Variants in DAPP1 observed in about 807,000 individuals in gnomAD.
DAPP1 encodes the protein dual adapter for phosphotyrosine and 3-phosphotyrosine and 3-phosphoinositide.
In DAPP1, 20 loss-of-function variants were observed where a neutral mutation model predicts 41.5. The ratio of observed to expected loss-of-function variants is 0.48; its 90% CI spans 0.34 to 0.70. DAPP1 has a LOEUF of 0.70. DAPP1 is among the 30% of genes least tolerant of loss of function. The pLI is 0.01. For missense variants in DAPP1, 233 were observed against 333.4 expected, an observed-to-expected ratio of 0.70 and a Z score of 2.35; for synonymous variants, 113 against 116.2, an observed-to-expected ratio of 0.97 and a Z score of 0.18.
At chr4:99,818,954 T>C (rs1051836745) in intron 1 of DAPP1, among the ~76,000 whole-genome samples, 1 of 152,220 alleles carries the variant, frequency 6.6e-6, no homozygotes, top group Non-Finnish European at 1.5e-5. Context: ...CCTAGGTTGA[T>C]GATCACTGCA....
At chr4:99,871,011 G>A (rs1033122794), downstream of DAPP1, among the ~76,000 whole-genome samples, 6 of 152,054 alleles carry the variant, frequency 3.9e-5, no homozygotes, top group Admixed American at 3.9e-4. Flanking sequence ...ACTGTTTCTG[G>A]GGGAAACCTT....
At chr4:99,853,906 A>G (rs1445686445) in intron 4 of DAPP1, among the ~76,000 whole-genome samples, 3 of 152,256 alleles carry the variant, frequency 2.0e-5, no homozygotes, top group African/African-American at 7.2e-5. Flanking sequence ...AGTTAACCAA[A>G]CAACTTCAAA....
chr4:99,825,757 G>A (rs757287291), intron 1 of DAPP1, among the ~76,000 whole-genome samples: 7 of 152,064 alleles, frequency 4.6e-5, no homozygotes, highest in Non-Finnish European at 8.8e-5. Context: ...ATAAGGCTTC[G>A]GCTTGATTCC....
intron 3 of DAPP1, among the ~76,000 whole-genome samples, chr4:99,843,632 C>CA (rs1723569656): frequency 6.6e-6 from 1 of 152,218 alleles, no homozygotes; most frequent in African/African-American, 2.4e-5. Context: ...TTCCAATTCT[C>CA]AAAACCTAAT....
chr4:99,834,457 T>C (rs1384202907), intron 1 of DAPP1, among the ~76,000 whole-genome samples: 1 of 152,194 alleles, frequency 6.6e-6, no homozygotes, highest in Non-Finnish European at 1.5e-5. Context: ...TTGAATCTCC[T>C]TGAGCATTCC....
chr4:99,852,832 C>G (rs1723910178), intron 3 of DAPP1, among the ~76,000 whole-genome samples: 1 of 152,148 alleles, frequency 6.6e-6, no homozygotes, highest in African/African-American at 2.4e-5. Flanking sequence ...CCAGTTACTA[C>G]TTAAGATCTA....
chr4:99,867,654 T>C (rs1197146468), intron 8 of DAPP1, among the ~76,000 whole-genome samples: 2 of 152,234 alleles, frequency 1.3e-5, no homozygotes, highest in East Asian at 3.8e-4. Context: ...CTAAGAGAAA[T>C]GAGTGCATGT....
intron 1 of DAPP1, among the ~76,000 whole-genome samples, chr4:99,821,925 G>A (rs376529373): frequency 2.0e-5 from 3 of 152,122 alleles, no homozygotes; most frequent in African/African-American, 7.2e-5. Flanking sequence ...TCATTTTCAG[G>A]ACTAGAAAAA....
intron 2 of DAPP1, among the ~76,000 whole-genome samples, chr4:99,836,590 T>TATATGG (rs1194802694): frequency 6.6e-6 from 1 of 152,078 alleles, no homozygotes; most frequent in Non-Finnish European, 1.5e-5. Context: ...CCCTGGAGAG[T>TATATGG]CACTCTTCCC....
At chr4:99,841,122 T>C (rs1216406604) in intron 3 of DAPP1, among the ~76,000 whole-genome samples, 1 of 152,196 alleles carries the variant, frequency 6.6e-6, no homozygotes, top group African/African-American at 2.4e-5. Flanking sequence ...TAAATAATGA[T>C]AAATCTTAGT....
intron 1 of DAPP1, among the ~76,000 whole-genome samples, chr4:99,831,911 A>G (rs1220277555): frequency 2.6e-5 from 4 of 151,896 alleles, no homozygotes; most frequent in African/African-American, 7.3e-5. Context: ...TCTTCTTTAC[A>G]TGTATATATT....
At chr4:99,817,773 G>A (rs1011197170) in intron 1 of DAPP1, among the ~76,000 whole-genome samples, 1 of 152,234 alleles carries the variant, frequency 6.6e-6, no homozygotes, top group South Asian at 2.1e-4. Flanking sequence ...AATGCACTGG[G>A]AATATCCCAA....
rs1387030622 is a variant in DAPP1 at position 99,835,716 on chromosome 4, G to A, written c.195G>A (p.Glu65=). Residue 65 remains glutamate, a synonymous_variant, in exon 2 of 9, where the codon GAG becomes GAA. Transcript: ENST00000512369. ...GCTACCTTCTGAGGGACAGCAATGA[G>A]ACCACCGGGCTGTACTCTCTCTCTG... ...DGSYLLRDSN[E]TTGLYSLSVR... 6.2e-7 allele frequency: 1 copy of A among 1,613,820 alleles called. No homozygotes were observed. Among genetic ancestry groups the A allele is most frequent in the African/African-American group, 1.3e-5 (1 of 75,002 alleles).
chr4:99,853,300 A>C lies in DAPP1; in HGVS notation c.441A>C (p.Ala147=). 1.2e-6 allele frequency: 2 copies of C among 1,613,020 alleles called. No individual in the cohort carries two copies. Among genetic ancestry groups the C allele is most frequent in the Non-Finnish European group, 1.7e-6 (2 of 1,179,446 alleles). ...ATGAATCTGTCCGGGTTCACACAGC[A>C]ATGCAGACAGGAAGAACAGAAGATG... is the stretch of plus-strand genomic sequence containing the variant. ...SIYESVRVHT[A]MQTGRTEDDL... Residue 147 remains alanine, a synonymous_variant, in exon 4 of 9, where the codon GCA becomes GCC. Coordinates refer to ENST00000512369, the MANE Select transcript of DAPP1 (RefSeq NM_014395.3).
Position 99,868,429 on chromosome 4 carries a change from C to G in DAPP1, c.*244C>G. 3.8e-6 allele frequency: 2 copies of G among 525,008 alleles called. No individual in the cohort carries two copies. Among genetic ancestry groups the G allele is most frequent in the Admixed American group, 3.2e-5 (1 of 31,022 alleles). 32.5% of individuals were successfully genotyped at this position (525,008 alleles called of 1,614,324 possible). A position where few individuals can be genotyped will look rare whatever the true frequency, so the allele number is the denominator to read the frequency against. ...ATTCTGATAGAAAGTGCTTAAACCA[C>G]CACTCTTAGGTCTGCTCACTCTTAG... On this transcript the variant is annotated 3_prime_UTR_variant, in exon 9 of 9. Transcript: ENST00000512369.
intron 1 of DAPP1, among the ~76,000 whole-genome samples, chr4:99,832,023 A>G (rs1443795370): frequency 6.6e-6 from 1 of 150,840 alleles, no homozygotes; most frequent in Non-Finnish European, 1.5e-5. Flanking sequence ...ATGTTGGCTC[A>G]TTCAGGGAAC....
At chr4:99,851,534 G>GTTTTTTTTTTTTTTT (rs537614787) in intron 3 of DAPP1, among the ~76,000 whole-genome samples, 18 of 77,788 alleles carry the variant, frequency 2.3e-4, no homozygotes, top group African/African-American at 3.2e-4. Flanking sequence ...GTTTTGTGTA[G>GTTTTTTTTTTTTTTT]TTTTTTTTTT....
At chr4:99,820,040 T>C (rs1342699584) in intron 1 of DAPP1, among the ~76,000 whole-genome samples, 1 of 152,180 alleles carries the variant, frequency 6.6e-6, no homozygotes, top group Non-Finnish European at 1.5e-5. Context: ...CTAAAATACA[T>C]TAATGTGTCC....
At chr4:99,866,523 G>T (rs11930881) in intron 8 of DAPP1, 1 of 764,422 alleles carries the variant, frequency 1.3e-6, no homozygotes, top group East Asian at 2.4e-5. Flanking sequence ...GAGGCACTTA[G>T]CTTAGTTTCC....
Sources: allele counts gnomAD v4.1 joint callset (sites outside exome capture counted in the v4.1 genomes callset), GRCh38; gene constraint gnomAD v4.1.1; transcripts MANE v1.5; gene names NCBI Gene and HGNC (gene_info 2026-07-23, HGNC 2026-07-21).